The following MSRA variants were observed in gnomAD, a reference collection of about 807,000 sequenced individuals.
The protein encoded by MSRA is mitochondrial peptide methionine sulfoxide reductase.
In MSRA, 54 loss-of-function variants were observed where a neutral mutation model predicts 31.3. That is an observed-to-expected ratio of 1.73 (90% CI 1.39 to 2.17). MSRA has a LOEUF of 2.17. Ranked by LOEUF, MSRA falls within the 30% of genes most tolerant of loss-of-function variation. MSRA has a pLI of 0.00. For synonymous variants in MSRA, 169 were observed against 116.5 expected (o/e 1.45, Z -2.90); for missense variants, 507 against 300.9 (o/e 1.69, Z -5.07).
At chr8:10,295,439 C>T (rs1017440569) in intron 3 of MSRA, among the ~76,000 whole-genome samples, 3 of 152,204 alleles carry the variant, frequency 2.0e-5, no homozygotes, top group Non-Finnish European at 2.9e-5. Flanking sequence ...ACACAGACCA[C>T]GTGGGCCTAG....
At chr8:10,384,345 G>C (rs1402959724) in intron 5 of MSRA, among the ~76,000 whole-genome samples, 1 of 152,200 alleles carries the variant, frequency 6.6e-6, no homozygotes, top group Non-Finnish European at 1.5e-5. Flanking sequence ...AGAATGAAAA[G>C]CCAGAGCTCC....
At chr8:10,097,544 G>A (rs910935625) in intron 1 of MSRA, among the ~76,000 whole-genome samples, 11 of 152,124 alleles carry the variant, frequency 7.2e-5, no homozygotes, top group Admixed American at 5.9e-4. Context: ...TTTTAATACT[G>A]ACCGTCTTAT....
intron 1 of MSRA, among the ~76,000 whole-genome samples, chr8:10,087,093 A>G (rs1585118206): frequency 6.6e-6 from 1 of 152,108 alleles, no homozygotes; most frequent in South Asian, 2.1e-4. Flanking sequence ...GTCACGTGTA[A>G]AGCATGGTTG....
intron 5 of MSRA, among the ~76,000 whole-genome samples, chr8:10,401,062 A>T (rs924607682): frequency 6.6e-6 from 1 of 151,418 alleles, no homozygotes; most frequent in Admixed American, 6.6e-5. Flanking sequence ...GATTTCATCA[A>T]ATTTAAAAAC....
intron 1 of MSRA, among the ~76,000 whole-genome samples, chr8:10,136,787 G>T (rs535241956): frequency 1.3e-5 from 2 of 152,084 alleles, no homozygotes; most frequent in African/African-American, 4.8e-5. Flanking sequence ...TTGCTGTTGG[G>T]GGTTTCACCT....
chr8:10,312,723 C>G (rs769532899), intron 4 of MSRA, among the ~76,000 whole-genome samples: 1 of 152,150 alleles, frequency 6.6e-6, no homozygotes, highest in Non-Finnish European at 1.5e-5. Flanking sequence ...TTTCCTCCAA[C>G]GAACACAAGC....
intron 1 of MSRA, among the ~76,000 whole-genome samples, chr8:10,171,255 C>G (rs1393988144): frequency 6.6e-6 from 1 of 152,100 alleles, no homozygotes; most frequent in East Asian, 1.9e-4. Flanking sequence ...CTTTGTCTTT[C>G]TCTTCTATGT....
intron 2 of MSRA, among the ~76,000 whole-genome samples, chr8:10,219,868 T>G (rs1014320981): frequency 1.3e-5 from 2 of 151,184 alleles, no homozygotes; most frequent in Non-Finnish European, 2.9e-5. Context: ...CCTTTTTGGT[T>G]TTTTTTTGTT....
chr8:10,320,230 G>A, intron 5 of MSRA: 1 of 302,490 alleles, frequency 3.3e-6, no homozygotes, highest in African/African-American at 2.2e-5. Flanking sequence ...GTACTTTGGG[G>A]GGCCGAAGCA....
At chr8:10,091,729 C>T (rs547018975) in intron 1 of MSRA, among the ~76,000 whole-genome samples, 8 of 151,594 alleles carry the variant, frequency 5.3e-5, no homozygotes, top group Middle Eastern at 3.4e-3. Context: ...GCCTCAGCAT[C>T]CCAAGTAGCT....
chr8:10,054,779 TG>T (rs983890857), intron 1 of MSRA, 121 bp downstream of exon 1: 1 of 1,176,638 alleles, frequency 8.5e-7, no homozygotes, highest in African/African-American at 1.6e-5. Flanking sequence ...GGTCGCGGGG[TG>T]GGGGTCTGCG....
intron 1 of MSRA, among the ~76,000 whole-genome samples, chr8:10,151,510 C>G (rs753883352): frequency 6.6e-6 from 1 of 151,958 alleles, no homozygotes; most frequent in African/African-American, 2.4e-5. Context: ...ATTAGCCGGG[C>G]GTGTTGGCAG....
chr8:10,320,553 T>C (rs989235112), intron 5 of MSRA, among the ~76,000 whole-genome samples: 1 of 152,242 alleles, frequency 6.6e-6, no homozygotes, highest in Non-Finnish European at 1.5e-5. Context: ...AAAATAAGTC[T>C]TTTTCCTTCT....
chr8:10,333,059 G>T (rs910859239), intron 5 of MSRA, among the ~76,000 whole-genome samples: 1 of 144,836 alleles, frequency 6.9e-6, no homozygotes, highest in Non-Finnish European at 1.5e-5. Flanking sequence ...GATGGTGGAA[G>T]ACAGCATTCT....
At chr8:10,213,423 C>G (rs1459823930) in intron 2 of MSRA, among the ~76,000 whole-genome samples, 3 of 145,950 alleles carry the variant, frequency 2.1e-5, no homozygotes, top group African/African-American at 5.0e-5. Context: ...TGTACATGTA[C>G]CACACTTTCT....
Position 10,299,558 on chromosome 8 carries a change from A to T in MSRA, c.332-1976A>T, listed in dbSNP as rs533273856. On this transcript the variant is annotated intron_variant, in intron 3 of 5. Coordinates refer to ENST00000317173, the MANE Select transcript of MSRA (RefSeq NM_012331.5). ...AATTATATGGACTAGCCAATTAATA[A>T]TAAAATATTAATATAATAATAACCC... 5.3e-5 allele frequency among the ~76,000 whole-genome samples: 8 copies of T among 152,242 alleles called. 1 individual carries two copies. The highest frequency in any genetic ancestry group is 5.2e-4 in the Admixed American group (8 of 15,304).
chr8:10,365,107 C>T (rs1166835707), intron 5 of MSRA, among the ~76,000 whole-genome samples: 1 of 137,440 alleles, frequency 7.3e-6, no homozygotes, highest in Non-Finnish European at 1.5e-5. Context: ...TCTGTGCTGA[C>T]TTCTAAGGGC....
chr8:10,357,042 C>G (rs1267177071), intron 5 of MSRA, among the ~76,000 whole-genome samples: 1 of 152,020 alleles, frequency 6.6e-6, no homozygotes, highest in African/African-American at 2.4e-5. Context: ...TTTGTATTTC[C>G]TGAACATTGG....
chr8:10,156,809 CT>C lies in MSRA; in HGVS notation c.143-51007del, dbSNP rs58761026. On this transcript the variant is annotated intron_variant, in intron 1 of 5. Transcript: ENST00000317173. ...GGTTCTGTATCGATAAGCTTCATTC[CT>C]TTTTTTTTTTTTTTTTAGCTTCATT... 4.5e-3 allele frequency among the ~76,000 whole-genome samples: 566 copies of C among 125,018 alleles called. 1 individual carries two copies. Among genetic ancestry groups the C allele is most frequent in the South Asian group, 0.01 (38 of 3,642 alleles). 82.0% of individuals were successfully genotyped at this position (125,018 alleles called of 152,430 possible).
Sources: allele counts gnomAD v4.1 joint callset (sites outside exome capture counted in the v4.1 genomes callset), GRCh38; gene constraint gnomAD v4.1.1; transcripts MANE v1.5; gene names NCBI Gene and HGNC (gene_info 2026-07-23, HGNC 2026-07-21).